Variants in MEIKIN observed in about 807,000 individuals in gnomAD.
The protein encoded by MEIKIN is meiotic kinetochore factor.
chr5:131,812,230 T>C (rs1315941506), intron 12 of MEIKIN, among the ~76,000 whole-genome samples: 1 of 152,242 alleles, frequency 6.6e-6, no homozygotes, highest in Non-Finnish European at 1.5e-5. Flanking sequence ...ATGTAACAGT[T>C]GCATATAACT....
At chr5:131,812,399 T>C (rs1229239971) in intron 12 of MEIKIN, among the ~76,000 whole-genome samples, 4 of 151,978 alleles carry the variant, frequency 2.6e-5, no homozygotes, top group Admixed American at 6.6e-5. Context: ...GTGACACATA[T>C]ATACATTACA....
At chr5:131,918,980 G>C (rs1751460429) in intron 6 of MEIKIN, among the ~76,000 whole-genome samples, 1 of 152,056 alleles carries the variant, frequency 6.6e-6, no homozygotes, top group Non-Finnish European at 1.5e-5. Context: ...CATAAACCCA[G>C]TATGAATAAA....
chr5:131,933,650 TA>T lies in MEIKIN; in HGVS notation c.350-10del. 1 of 397,840 alleles carries T rather than the reference TA, an allele frequency of 2.5e-6. No individual in the cohort carries two copies. 24.6% of individuals were successfully genotyped at this position (397,840 alleles called of 1,614,324 possible). ...ATGGTGCAAACTTAATCCTGTAGAA[TA>T]AAGGAAAAAAAAATTGATAAATCTT... is the stretch of plus-strand genomic sequence containing the variant. On this transcript the variant is annotated splice_polypyrimidine_tract_variant and intron_variant, in intron 4 of 12. Transcript: ENST00000442687.
Position 131,921,945 on chromosome 5 carries a change from A to C in MEIKIN, c.479-4T>G, listed in dbSNP as rs1751512494. 1 of 398,770 alleles carries C rather than the reference A, an allele frequency of 2.5e-6. No individual in the cohort carries two copies. 24.7% of individuals were successfully genotyped at this position (398,770 alleles called of 1,614,324 possible). A position where few individuals can be genotyped will look rare whatever the true frequency, so the allele number is the denominator to read the frequency against. On this transcript the variant is annotated splice_region_variant and splice_polypyrimidine_tract_variant and intron_variant, in intron 5 of 12. Transcript: ENST00000442687. ...TCCAAGTTGGGACACTCCCAGTCTA[A>C]AACAGCAGAGAAGAAATAGTGTAAG... is the stretch of plus-strand genomic sequence containing the variant.
At chr5:131,807,279 A>G (rs1772862349) in intron 12 of MEIKIN, 21 bp from the exon 13 acceptor site, 1 of 398,482 alleles carries the variant, frequency 2.5e-6, no homozygotes, top group Non-Finnish European at 4.4e-6. Flanking sequence ...AAAAATAACA[A>G]TAGATTACTT....
intron 9 of MEIKIN, among the ~76,000 whole-genome samples, chr5:131,859,093 A>G (rs1750240789): frequency 1.3e-5 from 2 of 152,232 alleles, no homozygotes; most frequent in South Asian, 4.1e-4. Flanking sequence ...TCAAAGGAAT[A>G]TAAATCATTC....
intron 10 of MEIKIN, among the ~76,000 whole-genome samples, chr5:131,852,954 G>A (rs907780424): frequency 3.3e-5 from 5 of 152,038 alleles, no homozygotes; most frequent in Admixed American, 2.6e-4. Flanking sequence ...TAAAAAATGA[G>A]ACACTCATTT....
intron 8 of MEIKIN, among the ~76,000 whole-genome samples, chr5:131,887,627 A>G (rs2149632354): frequency 6.6e-6 from 1 of 151,974 alleles, no homozygotes; most frequent in South Asian, 2.1e-4. Flanking sequence ...TGGTTGCATA[A>G]AGGTCTTCTT....
chr5:131,835,557 T>C (rs756138348), intron 11 of MEIKIN, among the ~76,000 whole-genome samples: 3 of 152,178 alleles, frequency 2.0e-5, no homozygotes, highest in Admixed American at 6.6e-5. Context: ...GGTGTACTTC[T>C]GGGCACTCTG....
At position 131,941,957 on chromosome 5, in the gene MEIKIN, T is replaced by C. The variant is rs118119733; in HGVS notation, c.349+678A>G. On this transcript the variant is annotated intron_variant, in intron 4 of 12. Coordinates refer to ENST00000442687, the MANE Select transcript of MEIKIN (RefSeq NM_001303622.2). ...TCAGCACCCTTTTTTCCATCTCCAATGTCACCACCCTAGTAGAAGGCGCCA... is the reference window on the plus strand; with the variant it reads ...TCAGCACCCTTTTTTCCATCTCCAACGTCACCACCCTAGTAGAAGGCGCCA... Among the ~76,000 whole-genome samples the C allele has an allele frequency of 1.7e-4, 26 of 152,274 alleles. No individual in the cohort carries two copies. In the East Asian group the frequency reaches 4.4e-3, roughly 26 times the overall value.
At chr5:131,833,327 C>G (rs1010607502) in intron 11 of MEIKIN, among the ~76,000 whole-genome samples, 6 of 152,324 alleles carry the variant, frequency 3.9e-5, no homozygotes, top group African/African-American at 7.2e-5. Flanking sequence ...TAGTTCCCAA[C>G]AAGTTCCTCA....
chr5:131,850,313 T>C (rs2149614715), intron 11 of MEIKIN, among the ~76,000 whole-genome samples: 1 of 152,308 alleles, frequency 6.6e-6, no homozygotes, highest in Middle Eastern at 3.4e-3. Context: ...TGATGTTTAT[T>C]GCAGAAACAG....
chr5:131,900,202 G>T (rs997994724), intron 8 of MEIKIN, among the ~76,000 whole-genome samples: 4 of 152,236 alleles, frequency 2.6e-5, no homozygotes, highest in Admixed American at 1.3e-4. Flanking sequence ...TAAGTTGGCT[G>T]ACTAGACACA....
chr5:131,918,832 G>GT (rs1751457548), intron 6 of MEIKIN, among the ~76,000 whole-genome samples: 1 of 152,190 alleles, frequency 6.6e-6, no homozygotes, highest in Non-Finnish European at 1.5e-5. Context: ...GAACACGGCT[G>GT]TGACACCTAG....
chr5:131,900,728 C>A (rs149064994), intron 8 of MEIKIN, among the ~76,000 whole-genome samples: 2 of 152,128 alleles, frequency 1.3e-5, no homozygotes, highest in Non-Finnish European at 2.9e-5. Context: ...GGGGATCCAG[C>A]CTGGCAGCAC....
chr5:131,811,860 C>T (rs1202970697), intron 12 of MEIKIN, among the ~76,000 whole-genome samples: 1 of 152,208 alleles, frequency 6.6e-6, no homozygotes, highest in African/African-American at 2.4e-5. Context: ...TCCCAAAGTG[C>T]TCGGATTACA....
At chr5:131,859,111 A>G (rs943300549) in intron 9 of MEIKIN, among the ~76,000 whole-genome samples, 3 of 152,198 alleles carry the variant, frequency 2.0e-5, no homozygotes, top group Admixed American at 6.5e-5. Context: ...TTCTACCATA[A>G]AGACACCTGC....
In MEIKIN at chr5:131,807,165, A is replaced by T. The variant is rs1305813659; in HGVS notation, c.*71T>A. On this transcript the variant is annotated 3_prime_UTR_variant, in exon 13 of 13. Transcript: ENST00000442687. ...TAATTTCATATAATTTCAGGCAGACATTCTGCTTTATAGACTTTGACTTCA... is the reference window on the plus strand; with the variant it reads ...TAATTTCATATAATTTCAGGCAGACTTTCTGCTTTATAGACTTTGACTTCA... The T allele has an allele frequency of 2.5e-6, 1 of 398,492 alleles. No homozygotes were observed. The highest frequency in any genetic ancestry group is 4.4e-6 in the Non-Finnish European group (1 of 226,000). The allele number at this position is 398,492 out of a possible 1,614,324, so 24.7% of individuals were successfully genotyped here.
chr5:131,857,636 G>C (rs1314494454), intron 9 of MEIKIN, among the ~76,000 whole-genome samples: 1 of 152,170 alleles, frequency 6.6e-6, no homozygotes, highest in Non-Finnish European at 1.5e-5. Context: ...CTCACCGTCA[G>C]AGAGCTCCCG....
Sources: allele counts gnomAD v4.1 joint callset (sites outside exome capture counted in the v4.1 genomes callset), GRCh38; gene constraint gnomAD v4.1.1; transcripts MANE v1.5; gene names NCBI Gene and HGNC (gene_info 2026-07-23, HGNC 2026-07-21).